RMND1: variants seen among roughly 807,000 people sequenced by gnomAD.
RMND1 encodes required for meiotic nuclear division protein 1 homolog.
Under a neutral mutation model 54.0 loss-of-function variants are expected in RMND1, and 41 were observed. That is an observed-to-expected ratio of 0.76 (90% confidence interval 0.59 to 0.98). The LOEUF is 0.98. Ranked by LOEUF, RMND1 falls within the 50% of genes least tolerant of loss-of-function variation. The pLI is 0.00. For missense variants in RMND1, 457 were observed against 532.0 expected (o/e 0.86, Z 1.39); for synonymous variants, 183 against 181.7 (o/e 1.01, Z -0.06).
At chr6:151,451,337 TATC>T (rs1235484973) in intron 1 of RMND1, among the ~76,000 whole-genome samples, 2 of 152,230 alleles carry the variant, frequency 1.3e-5, no homozygotes, top group African/African-American at 2.4e-5. Context: ...ACTCAGTTCT[TATC>T]ATGTGCCAGG....
intron 9 of RMND1, among the ~76,000 whole-genome samples, chr6:151,419,567 A>T (rs1457129214): frequency 6.6e-6 from 1 of 151,438 alleles, no homozygotes; most frequent in African/African-American, 2.4e-5. Context: ...CCAGCTACCC[A>T]GGAGGGTGAG....
chr6:151,423,720 G>T, intron 6 of RMND1, 89 bp from the exon 7 acceptor site: 1 of 875,220 alleles, frequency 1.1e-6, no homozygotes. Context: ...TCTTTCTGGA[G>T]GTCATTTTGA....
intron 10 of RMND1, among the ~76,000 whole-genome samples, chr6:151,409,866 G>A (rs191360100): frequency 3.3e-4 from 50 of 152,296 alleles, no homozygotes; most frequent in African/African-American, 1.1e-3. Context: ...AGGGGATACT[G>A]ACGTGAGAAA....
chr6:151,407,122 C>G (rs1779652512), intron 10 of RMND1, among the ~76,000 whole-genome samples: 1 of 152,012 alleles, frequency 6.6e-6, no homozygotes, highest in South Asian at 2.1e-4. Context: ...CCACTGCACT[C>G]CAGCCTGGGT....
chr6:151,405,508 ACT>A (rs1779581879), intron 11 of RMND1, among the ~76,000 whole-genome samples: 1 of 152,228 alleles, frequency 6.6e-6, no homozygotes, highest in Non-Finnish European at 1.5e-5. Flanking sequence ...CTTGAGGTCT[ACT>A]CTCAAATTTT....
chr6:151,426,849 A>G (rs149572256), intron 6 of RMND1, among the ~76,000 whole-genome samples: 1,887 of 151,932 alleles, frequency 0.012, 36 homozygotes, highest in African/African-American at 0.044. Flanking sequence ...GGCTCACTGC[A>G]ACCTCCGCCT....
At chr6:151,410,552 A>G (rs1318647798) in intron 10 of RMND1, among the ~76,000 whole-genome samples, 1 of 152,202 alleles carries the variant, frequency 6.6e-6, no homozygotes, top group Admixed American at 6.5e-5. Flanking sequence ...ACTCTGAGAA[A>G]GGTAGTTTGA....
chr6:151,426,146 G>A (rs1303062897), intron 6 of RMND1, among the ~76,000 whole-genome samples: 1 of 151,828 alleles, frequency 6.6e-6, no homozygotes, highest in Non-Finnish European at 1.5e-5. Context: ...ATGGGGTTTC[G>A]CCATGTTGGC....
Position 151,427,860 on chromosome 6 carries a change from T to C in RMND1, c.730-278A>G, listed in dbSNP as rs9397407. Among the ~76,000 whole-genome samples, 21,687 of 152,154 alleles carry C rather than the reference T, an allele frequency of 0.14. 1,717 individuals are homozygous for C. Among genetic ancestry groups the C allele is most frequent in the East Asian group, 0.36 (1,876 of 5,178 alleles). On this transcript the variant is annotated intron_variant, in intron 5 of 11. Transcript: ENST00000444024. ...AGGAAAATCACTAGTAATATTATAA[T>C]TTGTATTCTTTAAATCTCTTTAATA...
intron 2 of RMND1, among the ~76,000 whole-genome samples, chr6:151,440,578 TCCTTC>T (rs1373366993): frequency 6.6e-6 from 1 of 152,250 alleles, no homozygotes; most frequent in Non-Finnish European, 1.5e-5. Context: ...CTGTCCCCTT[TCCTTC>T]TCTTGGGATC....
chr6:151,421,409 C>T, intron 8 of RMND1, 88 bp from the exon 9 acceptor site: 1 of 763,916 alleles, frequency 1.3e-6, no homozygotes, highest in East Asian at 2.6e-5. Context: ...TCTGAAGTGG[C>T]ATAATTTGGA....
chr6:151,423,501 A>C (rs553968179), intron 7 of RMND1, 24 bp downstream of exon 7: 2 of 1,425,068 alleles, frequency 1.4e-6, no homozygotes, highest in East Asian at 2.3e-5. Flanking sequence ...GTAGTACCCT[A>C]TCCCATAAGC....
At chr6:151,434,871 C>CA (rs1189698112) in intron 3 of RMND1, among the ~76,000 whole-genome samples, 3 of 152,142 alleles carry the variant, frequency 2.0e-5, no homozygotes, top group African/African-American at 7.2e-5. Context: ...ATTTTTGAGA[C>CA]AGAGTCTCGC....
chr6:151,446,013 C>A, intron 1 of RMND1, 188 bp from the exon 2 acceptor site: 1 of 548,484 alleles, frequency 1.8e-6, no homozygotes, highest in Non-Finnish European at 3.1e-6. Context: ...CCTTTAGCAA[C>A]ATTTGGCCTT....
At chr6:151,443,321 T>C (rs1456513571) in intron 2 of RMND1, among the ~76,000 whole-genome samples, 1 of 152,152 alleles carries the variant, frequency 6.6e-6, no homozygotes, top group East Asian at 1.9e-4. Flanking sequence ...GATTTTCTTC[T>C]CTTTTTTTGA....
At chr6:151,451,099 G>C (rs1781172960) in intron 1 of RMND1, among the ~76,000 whole-genome samples, 1 of 150,912 alleles carries the variant, frequency 6.6e-6, no homozygotes, top group Non-Finnish European at 1.5e-5. Flanking sequence ...AGGAAAACCA[G>C]AGACCTTTGT....
At chr6:151,438,487 G>A (rs370707456) in intron 2 of RMND1, among the ~76,000 whole-genome samples, 1 of 152,208 alleles carries the variant, frequency 6.6e-6, no homozygotes, top group African/African-American at 2.4e-5. Context: ...GGCAGAGGCT[G>A]TCTCTTTTGC....
At chr6:151,406,359 TTTG>T (rs906955676) in intron 10 of RMND1, among the ~76,000 whole-genome samples, 28 of 114,392 alleles carry the variant, frequency 2.4e-4, no homozygotes, top group South Asian at 8.7e-4. Flanking sequence ...AACTTTTTTT[TTTG>T]TTGTTGTTGT....
rs1451172355 is a variant in RMND1 at position 151,445,440 on chromosome 6, C to G, written c.372G>C (p.Lys124Asn). Reference protein sequence around the residue: ...LGSKWFIKILKRHFSSVSTET... With the variant: ...LGSKWFIKILNRHFSSVSTET... ...CCGTTGATACAGATGAGAAATGCCT[C>G]TTTAATATTTTTATAAACCATTTAG... Residue 124 changes from lysine to asparagine, a missense_variant, in exon 2 of 12, where the codon AAG becomes AAC. Physicochemically the swap from Lys to Asn is moderately conservative, Grantham distance 94. Coordinates refer to ENST00000444024, the MANE Select transcript of RMND1 (RefSeq NM_017909.4). 1.2e-6 allele frequency: 2 copies of G among 1,614,184 alleles called. No individual in the cohort carries two copies. Among genetic ancestry groups the G allele is most frequent in the Admixed American group, 3.3e-5 (2 of 60,022 alleles).
Sources: gnomAD v4.1 joint callset for allele counts (sites outside exome capture counted in the v4.1 genomes callset) on GRCh38, gnomAD v4.1.1 for gene constraint, MANE v1.5 for transcripts, NCBI Gene and HGNC (gene_info 2026-07-23, HGNC 2026-07-21) for gene names.